The following IL17REL variants were observed in gnomAD, a reference collection of about 807,000 sequenced individuals.
IL17REL encodes the protein interleukin-17 receptor E-like protein.
IL17REL carries 36 observed loss-of-function variants against 49.0 expected under a neutral mutation model. The observed-to-expected ratio is 0.73, with a 90% CI of 0.56 to 0.97. The LOEUF is 0.97. IL17REL is among the 50% of genes least tolerant of loss of function. The probability of loss-of-function intolerance (pLI) is 0.00; values close to 1 mark genes in which losing one functional copy is unlikely to be tolerated. For synonymous variants in IL17REL, 206 were observed against 192.4 expected, an observed-to-expected ratio of 1.07 and a Z score of -0.58; for missense variants, 470 against 453.9, an observed-to-expected ratio of 1.04 and a Z score of -0.32.
chr22:50,002,495 C>CTTTTTTTTTT (rs398040533), intron 1 of IL17REL, among the ~76,000 whole-genome samples: 5 of 127,902 alleles, frequency 3.9e-5, no homozygotes, highest in African/African-American at 5.9e-5. Flanking sequence ...CTTTTCTTTT[C>CTTTTTTTTTT]TTTTTTTTTT....
chr22:50,005,402 T>C (rs952308330), intron 1 of IL17REL, among the ~76,000 whole-genome samples: 6 of 151,958 alleles, frequency 3.9e-5, no homozygotes, highest in African/African-American at 1.5e-4. Context: ...AACAAGTGGG[T>C]TACAGAAAGG....
chr22:50,009,976 CAGTGACCCTCAGTCTGGTGTG>C, upstream of IL17REL, among the ~76,000 whole-genome samples: 1 of 152,076 alleles, frequency 6.6e-6, no homozygotes, highest in East Asian at 1.9e-4. Context: ...CGGCGGCAGT[CAGTGACCCTCAGTCTGGTGTG>C]GAATCACGTG....
chr22:50,001,074 C>T lies in IL17REL; in HGVS notation c.109+8G>A. 1 of 1,570,924 alleles carries T rather than the reference C, an allele frequency of 6.4e-7. No homozygotes were observed. The highest frequency in any genetic ancestry group is 8.6e-7 in the Non-Finnish European group (1 of 1,157,026). On this transcript the variant is annotated splice_region_variant and intron_variant, in intron 2 of 12. Transcript: ENST00000341280. ...GTGTTAACTCCCACCCTCGAGGCCACCTCTCACCATGCAGGGTGATGGAGG... is the reference window on the plus strand; with the variant it reads ...GTGTTAACTCCCACCCTCGAGGCCATCTCTCACCATGCAGGGTGATGGAGG...
exon 4 of IL17REL, chr22:50,000,592 G>T (rs777459621): frequency 5.6e-6 from 9 of 1,611,714 alleles, no homozygotes; most frequent in Non-Finnish European, 7.6e-6. Flanking sequence ...TGCACTTGGA[G>T]CTGAGCAGGT....
chr22:49,992,845 G>A (rs372793523), downstream of IL17REL, among the ~76,000 whole-genome samples: 325 of 151,994 alleles, frequency 2.1e-3, 4 homozygotes, highest in African/African-American at 7.6e-3. Context: ...TCAAACTCCT[G>A]ACCTTAAGTA....
chr22:49,994,017 C>G (rs899735965), downstream of IL17REL, among the ~76,000 whole-genome samples: 3 of 152,034 alleles, frequency 2.0e-5, no homozygotes, highest in Non-Finnish European at 4.4e-5. Flanking sequence ...TGCCCCTGAC[C>G]TCCCCCAGGC....
downstream of IL17REL, among the ~76,000 whole-genome samples, chr22:49,992,099 T>G (rs1023173169): frequency 6.6e-6 from 1 of 152,242 alleles, no homozygotes; most frequent in Admixed American, 6.5e-5. Flanking sequence ...CAGATATGCA[T>G]TTATCTCAGT....
upstream of IL17REL, among the ~76,000 whole-genome samples, chr22:50,010,987 G>C (rs2061137914): frequency 7.1e-6 from 1 of 140,142 alleles, no homozygotes; most frequent in African/African-American, 2.7e-5. Flanking sequence ...CCAGCCTCCC[G>C]CCGTCACCCG....
upstream of IL17REL, among the ~76,000 whole-genome samples, chr22:50,009,539 G>A (rs1046565470): frequency 5.9e-5 from 9 of 152,152 alleles, no homozygotes; most frequent in East Asian, 1.2e-3. Context: ...GGCGGCCACT[G>A]AGCCTGGGGT....
upstream of IL17REL, among the ~76,000 whole-genome samples, chr22:50,010,785 G>A (rs1018063808): frequency 4.1e-4 from 54 of 131,270 alleles, no homozygotes; most frequent in Middle Eastern, 4.1e-3. Flanking sequence ...AGCGGGACCC[G>A]GGCGCGCTGG....
At chr22:49,999,901 G>T (rs2061067630) in exon 5 of IL17REL, 1 of 1,541,062 alleles carries the variant, frequency 6.5e-7, no homozygotes, top group Non-Finnish European at 8.7e-7. Flanking sequence ...GGGGCTCCCG[G>T]AGGCCCTGGG....
intron 1 of IL17REL, among the ~76,000 whole-genome samples, chr22:50,003,518 T>TG (rs2061090205): frequency 6.1e-5 from 2 of 32,700 alleles, no homozygotes; most frequent in African/African-American, 2.5e-4. Context: ...AGACTCCATC[T>TG]CAAAAAAAAA....
chr22:49,999,387 T>C (rs1371192757), intron 6 of IL17REL, 42 bp from the exon 9 acceptor site: 1 of 1,612,760 alleles, frequency 6.2e-7, no homozygotes, highest in Non-Finnish European at 8.5e-7. Context: ...CCCATCCCTG[T>C]GCTCCCCTCA....
chr22:50,000,978 C>T, intron 2 of IL17REL, 104 bp downstream of exon 3: 1 of 1,254,586 alleles, frequency 8.0e-7, no homozygotes, highest in Non-Finnish European at 1.1e-6. Flanking sequence ...GTTAGCAGCC[C>T]CCCTCCCTCA....
At chr22:49,999,834 A>C (rs764747540) in exon 5 of IL17REL, 4 of 1,513,896 alleles carry the variant, frequency 2.6e-6, no homozygotes, top group Non-Finnish European at 3.5e-6. Flanking sequence ...TCACTCGCAC[A>C]GGGGCGCCGG....
chr22:50,003,074 A>C (rs967343823), intron 1 of IL17REL, among the ~76,000 whole-genome samples: 6 of 152,194 alleles, frequency 3.9e-5, no homozygotes, highest in Non-Finnish European at 8.8e-5. Flanking sequence ...AGAAACTGGG[A>C]TAGAGAGTCT....
At chr22:49,992,797 T>C (rs180867634), downstream of IL17REL, among the ~76,000 whole-genome samples, 6 of 152,196 alleles carry the variant, frequency 3.9e-5, no homozygotes, top group Admixed American at 3.3e-4. Context: ...TTTGTATTTT[T>C]AGTAGAGCTG....
intron 9 of IL17REL, 120 bp from the exon 12 acceptor site, chr22:49,997,862 C>T: frequency 7.4e-7 from 1 of 1,360,110 alleles, no homozygotes; most frequent in Non-Finnish European, 1.0e-6. Context: ...AGTTCTCCTC[C>T]TTAGGCCCTT....
exon 2 of IL17REL, chr22:50,001,191 G>GGAC: frequency 6.3e-7 from 1 of 1,589,688 alleles, no homozygotes; most frequent in Non-Finnish European, 8.6e-7. Context: ...ACCTGGACAT[G>GGAC]GACACGGGGC....
Sources: allele counts gnomAD v4.1 joint callset (sites outside exome capture counted in the v4.1 genomes callset), GRCh38; gene constraint gnomAD v4.1.1; transcripts MANE v1.5; gene names NCBI Gene and HGNC (gene_info 2026-07-23, HGNC 2026-07-21).